TNIK: variants seen among roughly 807,000 people sequenced by gnomAD.
TNIK encodes the protein TRAF2 and NCK interacting kinase.
Under a neutral mutation model 191.3 loss-of-function variants are expected in TNIK, and 49 were observed. That is an observed-to-expected ratio of 0.26 (90% confidence interval 0.20 to 0.32). The LOEUF (loss-of-function observed/expected upper bound fraction) is 0.32. Among genes scored for constraint, TNIK ranks in the 10% least tolerant of loss-of-function variants. The pLI is 1.00. For synonymous variants in TNIK, 594 were observed against 600.9 expected (o/e 0.99, Z 0.17); for missense variants, 1,155 against 1,702.3 (o/e 0.68, Z 5.66).
intron 2 of TNIK, among the ~76,000 whole-genome samples, chr3:171,327,928 A>AAAAAAAAAAAC (rs1560433753): frequency 1.5e-5 from 2 of 129,466 alleles, no homozygotes; most frequent in Admixed American, 7.5e-5. Flanking sequence ...AAAAAAAAAA[A>AAAAAAAAAAAC]AAATCACTTG....
intron 15 of TNIK, 23 bp from the exon 16 acceptor site, chr3:171,128,901 A>G: frequency 6.6e-7 from 1 of 1,515,214 alleles, no homozygotes; most frequent in Non-Finnish European, 8.8e-7. Context: ...AAAAAAAAAA[A>G]AAAAAAGACA....
chr3:171,455,267 T>C (rs983132839), intron 1 of TNIK, among the ~76,000 whole-genome samples: 1 of 152,160 alleles, frequency 6.6e-6, no homozygotes, highest in Admixed American at 6.5e-5. Flanking sequence ...TTCTTTTTTT[T>C]TTCTTAAACA....
At chr3:171,192,862 G>T (rs1248243778) in intron 5 of TNIK, among the ~76,000 whole-genome samples, 1 of 152,122 alleles carries the variant, frequency 6.6e-6, no homozygotes, top group Non-Finnish European at 1.5e-5. Context: ...CTCAAATTTT[G>T]TGTTATGTTC....
intron 2 of TNIK, among the ~76,000 whole-genome samples, chr3:171,231,373 G>A (rs1254226046): frequency 6.6e-6 from 1 of 151,702 alleles, no homozygotes; most frequent in Non-Finnish European, 1.5e-5. Flanking sequence ...GGTAACACTG[G>A]AAAAGAAAAC....
In TNIK at chr3:171,061,695, G is replaced by C. The variant is rs1717846931; in HGVS notation, c.*2186C>G. 1 of 152,166 alleles carries C rather than the reference G, an allele frequency of 6.6e-6. No homozygotes were observed. The highest frequency in any genetic ancestry group is 6.5e-5 in the Admixed American group (1 of 15,272). 9.4% of individuals were successfully genotyped at this position (152,166 alleles called of 1,614,324 possible). A position where few individuals can be genotyped will look rare whatever the true frequency, so the allele number is the denominator to read the frequency against. Reference sequence around the variant, plus strand: ...TACCACAGCAGCAATATAAAGAGCTGGTGGCAATCACATTCGGGAGTGAAA... The same window carrying C: ...TACCACAGCAGCAATATAAAGAGCTCGTGGCAATCACATTCGGGAGTGAAA... On this transcript the variant is annotated 3_prime_UTR_variant, in exon 33 of 33. Coordinates refer to ENST00000436636, the MANE Select transcript of TNIK (RefSeq NM_015028.4).
At chr3:171,070,058 G>A (rs1320433667) in intron 29 of TNIK, among the ~76,000 whole-genome samples, 1 of 152,216 alleles carries the variant, frequency 6.6e-6, no homozygotes, top group East Asian at 1.9e-4. Context: ...TAACTTCAGA[G>A]CAAGAATGGG....
chr3:171,130,743 A>G (rs889257365), intron 15 of TNIK, among the ~76,000 whole-genome samples: 2 of 152,132 alleles, frequency 1.3e-5, no homozygotes, highest in Non-Finnish European at 2.9e-5. Flanking sequence ...TCATTAATAG[A>G]TAAGTCATAC....
At chr3:171,234,297 C>T (rs556548321) in intron 2 of TNIK, among the ~76,000 whole-genome samples, 12 of 152,164 alleles carry the variant, frequency 7.9e-5, no homozygotes, top group African/African-American at 2.9e-4. Context: ...TAAGTCTTCC[C>T]CAGGTTAAAT....
chr3:171,088,510 C>T (rs1576773200), intron 23 of TNIK, among the ~76,000 whole-genome samples: 1 of 152,124 alleles, frequency 6.6e-6, no homozygotes, highest in Non-Finnish European at 1.5e-5. Flanking sequence ...TGGGATGACA[C>T]GTGTGAACCA....
rs930681949 is a variant in TNIK, at chr3:171,312,056, G to C, written c.123+57564C>G. 8.3e-5 allele frequency among the ~76,000 whole-genome samples: 11 copies of C among 132,776 alleles called. No individual in the cohort carries two copies. The Admixed American group carries it at 8.8e-4, about 11-fold the overall frequency. 87.1% of individuals were successfully genotyped at this position (132,776 alleles called of 152,430 possible). ...GCTGTGGAGAAAAAAAGGGAGGGGA[G>C]ACATTTTGTGGCATTGCTCTGCACT... On this transcript the variant is annotated intron_variant, in intron 2 of 32. Transcript: ENST00000436636.
chr3:171,268,316 C>T (rs1748646078), intron 2 of TNIK, among the ~76,000 whole-genome samples: 2 of 152,026 alleles, frequency 1.3e-5, no homozygotes, highest in African/African-American at 2.4e-5. Context: ...TGATCATCTT[C>T]CTCAGCCCCC....
At chr3:171,413,959 T>C (rs374478326) in intron 1 of TNIK, among the ~76,000 whole-genome samples, 3 of 152,334 alleles carry the variant, frequency 2.0e-5, no homozygotes, top group African/African-American at 7.2e-5. Context: ...CTCAATAATG[T>C]CAGCTATAAT....
Position 171,061,039 on chromosome 3 carries a change from A to G in TNIK, c.*2842T>C, listed in dbSNP as rs1358946407. Among the ~76,000 whole-genome samples, 2 of 152,140 alleles carry G rather than the reference A, an allele frequency of 1.3e-5. No individual in the cohort carries two copies. The highest frequency in any genetic ancestry group is 3.8e-4 in the East Asian group (2 of 5,200). ...TGAAGATTTTTTTTGTTGAGATGCT[A>G]TAAAAATGGATGAAAAGCAACCGTT... On this transcript the variant is annotated 3_prime_UTR_variant, in exon 33 of 33. Transcript: ENST00000436636.
chr3:171,132,828 G>A (rs752280213), intron 15 of TNIK, among the ~76,000 whole-genome samples: 2 of 152,168 alleles, frequency 1.3e-5, no homozygotes, highest in African/African-American at 4.8e-5. Context: ...GGTTTAGGAA[G>A]GTCTCAGAAG....
intron 3 of TNIK, 115 bp downstream of exon 3, chr3:171,228,050 T>C: frequency 8.4e-6 from 10 of 1,185,712 alleles, no homozygotes; most frequent in Non-Finnish European, 1.1e-5. Flanking sequence ...GTGTATTAAA[T>C]GCATTTTCAA....
At chr3:171,262,249 T>C (rs1747730968) in intron 2 of TNIK, among the ~76,000 whole-genome samples, 1 of 152,120 alleles carries the variant, frequency 6.6e-6, no homozygotes, top group Non-Finnish European at 1.5e-5. Flanking sequence ...CAACCAGATT[T>C]AGTGTTTGCC....
chr3:171,406,888 C>T (rs1721766635), intron 1 of TNIK, among the ~76,000 whole-genome samples: 1 of 152,218 alleles, frequency 6.6e-6, no homozygotes, highest in Non-Finnish European at 1.5e-5. Flanking sequence ...TCTAAGATAA[C>T]ACAGCGATTT....
chr3:171,156,492 T>A (rs1241671186), intron 12 of TNIK, among the ~76,000 whole-genome samples: 1 of 152,230 alleles, frequency 6.6e-6, no homozygotes, highest in Non-Finnish European at 1.5e-5. Context: ...ACTATCCCAT[T>A]ACCGTGCAGT....
intron 2 of TNIK, among the ~76,000 whole-genome samples, chr3:171,285,758 G>A (rs1466442962): frequency 2.6e-5 from 4 of 152,210 alleles, no homozygotes; most frequent in Non-Finnish European, 5.9e-5. Context: ...AACTCTGGCT[G>A]TATATTACAA....
Sources: gnomAD v4.1 joint callset for allele counts (sites outside exome capture counted in the v4.1 genomes callset) on GRCh38, gnomAD v4.1.1 for gene constraint, MANE v1.5 for transcripts, NCBI Gene and HGNC (gene_info 2026-07-23, HGNC 2026-07-21) for gene names.